VRK2: variants seen among roughly 807,000 people sequenced by gnomAD.
VRK2 encodes the protein serine/threonine-protein kinase VRK2.
VRK2 carries 60 observed loss-of-function variants against 57.6 expected under a neutral mutation model. That is an observed-to-expected ratio of 1.04 (90% CI 0.85 to 1.29). The LOEUF is 1.29. Among genes scored for constraint, VRK2 ranks in the 50% most tolerant of loss-of-function variants. VRK2 has a pLI of 0.00. For missense variants in VRK2, 705 were observed against 588.1 expected, an observed-to-expected ratio of 1.20 and a Z score of -2.06; for synonymous variants, 231 against 199.2, an observed-to-expected ratio of 1.16 and a Z score of -1.35.
At chr2:58,053,277 A>G (rs1008951039) in intron 2 of VRK2, among the ~76,000 whole-genome samples, 1 of 152,244 alleles carries the variant, frequency 6.6e-6, no homozygotes, top group African/African-American at 2.4e-5. Context: ...TAAAGATACT[A>G]TCTCAAAGCT....
intron 11 of VRK2, 122 bp from the exon 12 acceptor site, chr2:58,146,194 T>A: frequency 3.5e-6 from 3 of 860,856 alleles, no homozygotes; most frequent in Non-Finnish European, 5.0e-6. Context: ...GCTGCTTTCC[T>A]CTTTATTTCC....
At chr2:58,115,915 C>T (rs1676394581) in intron 7 of VRK2, among the ~76,000 whole-genome samples, 1 of 152,154 alleles carries the variant, frequency 6.6e-6, no homozygotes, top group African/African-American at 2.4e-5. Context: ...AGATCCAGAA[C>T]AGAATAATGG....
intron 2 of VRK2, among the ~76,000 whole-genome samples, chr2:58,060,522 C>G (rs1677168551): frequency 6.6e-6 from 1 of 151,482 alleles, no homozygotes; most frequent in Non-Finnish European, 1.5e-5. Flanking sequence ...AGAAGCAGAT[C>G]TCAGTCACAG....
chr2:58,142,815 C>T (rs779467186), intron 11 of VRK2, among the ~76,000 whole-genome samples: 1 of 151,796 alleles, frequency 6.6e-6, no homozygotes, highest in African/African-American at 2.4e-5. Flanking sequence ...TCCTTTTAAT[C>T]GTTTATCAAT....
intron 1 of VRK2, among the ~76,000 whole-genome samples, chr2:57,910,620 G>T (rs2678904): frequency 0.65 from 98,209 of 151,938 alleles, 32,059 homozygotes; most frequent in African/African-American, 0.76. Context: ...TTATAATGTT[G>T]CCAACCTTAT....
chr2:58,074,174 C>T (rs1047933385), intron 2 of VRK2, among the ~76,000 whole-genome samples: 3 of 151,912 alleles, frequency 2.0e-5, no homozygotes, highest in African/African-American at 7.3e-5. Flanking sequence ...AATTTATCTG[C>T]GTTTTTATAT....
chr2:57,957,086 G>A (rs926052525), intron 1 of VRK2, among the ~76,000 whole-genome samples: 1 of 152,090 alleles, frequency 6.6e-6, no homozygotes, highest in Non-Finnish European at 1.5e-5. Context: ...GAAAAAAAAG[G>A]AAGCTTTATT....
rs373181097 is a variant in VRK2 at position 58,024,160 on chromosome 2, TA to T, written c.-438-1501del. Among the ~76,000 whole-genome samples, 37 of 152,066 alleles carry T rather than the reference TA, an allele frequency of 2.4e-4. No individual in the cohort carries two copies. The East Asian group carries it at 4.5e-3, about 18-fold the overall frequency. ...GCCGGCCACCAAATCCTGTCTCTAC[TA>T]AAAGTACAAAAAATATTTTTGACTC... On this transcript the variant is annotated intron_variant, in intron 1 of 15. Coordinates refer to the VRK2 transcript ENST00000417641.
Position 58,070,774 on chromosome 2 carries a change from T to G in VRK2, c.137-13315T>G, listed in dbSNP as rs143086441. On this transcript the variant is annotated intron_variant, in intron 2 of 12. Transcript: ENST00000340157. ...TGTGAGTAAAGCGGATATAAATGTT[T>G]TATGTGCGGATTTTTGTGTGAACAT... Among the ~76,000 whole-genome samples the G allele has an allele frequency of 6.6e-4, 100 of 152,294 alleles. 2 individuals are homozygous for G. The East Asian group carries it at 0.014, about 21-fold the overall frequency.
At chr2:58,100,516 CT>C (rs1435992993) in intron 7 of VRK2, among the ~76,000 whole-genome samples, 1 of 151,670 alleles carries the variant, frequency 6.6e-6, no homozygotes, top group African/African-American at 2.4e-5. Context: ...GCATGTTATT[CT>C]TTCCTTCCTT....
chr2:58,116,792 CCCGCACAGAT>C, intron 7 of VRK2, among the ~76,000 whole-genome samples: 1 of 152,162 alleles, frequency 6.6e-6, no homozygotes. Flanking sequence ...CCCATGGGGT[CCCGCACAGAT>C]GGGACACGGC....
At chr2:57,988,072 T>C (rs1672653867) in intron 1 of VRK2, among the ~76,000 whole-genome samples, 3 of 152,200 alleles carry the variant, frequency 2.0e-5, no homozygotes, top group South Asian at 4.1e-4. Flanking sequence ...TGTATCTTGA[T>C]TGTAATGGTG....
intron 1 of VRK2, among the ~76,000 whole-genome samples, chr2:57,950,494 C>T (rs1020314271): frequency 6.6e-6 from 1 of 152,164 alleles, no homozygotes; most frequent in South Asian, 2.1e-4. Flanking sequence ...TTTAAGCCCA[C>T]TATTGAGACC....
chr2:57,962,968 G>A (rs1285283447), intron 1 of VRK2, among the ~76,000 whole-genome samples: 5 of 152,278 alleles, frequency 3.3e-5, no homozygotes, highest in South Asian at 2.1e-4. Flanking sequence ...GACAAAAAGC[G>A]TGGCACCAAC....
At chr2:58,158,199 G>A (rs950830919) in intron 12 of VRK2, among the ~76,000 whole-genome samples, 4 of 152,182 alleles carry the variant, frequency 2.6e-5, no homozygotes, top group South Asian at 2.1e-4. Flanking sequence ...ATTATTATTT[G>A]TATTATGCTT....
At position 58,048,871 on chromosome 2, in the gene VRK2, C is replaced by A; in HGVS notation, c.40C>A (p.Pro14Thr). Residue 14 changes from proline (P) to threonine (T), a missense_variant, in exon 2 of 13, where the codon CCA (proline) becomes ACA (threonine). By Grantham distance (38) the Pro-to-Thr change is conservative (BLOSUM62 -1). Transcript: ENST00000340157. Reference protein sequence around the residue: ...KRNEKYKLPIPFPEGKVLDDM... With the variant: ...KRNEKYKLPITFPEGKVLDDM... ...AAATGAAAAATACAAACTTCCTATT[C>A]CATTTCCAGAAGGCAAGGTTCTGGA... 6.2e-7 allele frequency: 1 copy of A among 1,613,914 alleles called. No homozygotes were observed. Among genetic ancestry groups the A allele is most frequent in the Non-Finnish European group, 8.5e-7 (1 of 1,179,918 alleles).
At chr2:58,063,736 T>C (rs983523895) in intron 2 of VRK2, among the ~76,000 whole-genome samples, 2 of 152,100 alleles carry the variant, frequency 1.3e-5, no homozygotes, top group Non-Finnish European at 2.9e-5. Context: ...GTTCTTACTA[T>C]TTAAGAAATA....
At chr2:58,061,603 G>A (rs1378490750) in intron 2 of VRK2, among the ~76,000 whole-genome samples, 1 of 151,894 alleles carries the variant, frequency 6.6e-6, no homozygotes, top group East Asian at 1.9e-4. Context: ...AGCAATAGCA[G>A]GATCTGTTGT....
At chr2:57,957,886 T>C (rs1054755026) in intron 1 of VRK2, among the ~76,000 whole-genome samples, 16 of 152,094 alleles carry the variant, frequency 1.1e-4, no homozygotes, top group African/African-American at 3.9e-4. Context: ...CCTGAAACAA[T>C]AGACTATCAC....
Sources: allele counts gnomAD v4.1 joint callset (sites outside exome capture counted in the v4.1 genomes callset), GRCh38; gene constraint gnomAD v4.1.1; transcripts MANE v1.5; gene names NCBI Gene and HGNC (gene_info 2026-07-23, HGNC 2026-07-21).